Variants in ITFG1 observed in about 807,000 individuals in gnomAD.
ITFG1 encodes T-cell immunomodulatory protein.
In ITFG1, 34 loss-of-function variants were observed where a neutral mutation model predicts 81.8. The ratio of observed to expected loss-of-function variants is 0.42; its 90% CI spans 0.32 to 0.55. ITFG1 has a LOEUF of 0.55. Ranked by LOEUF, ITFG1 falls within the 20% of genes least tolerant of loss-of-function variation. The probability of loss-of-function intolerance (pLI) is 0.17; values close to 1 mark genes in which losing one functional copy is unlikely to be tolerated. For synonymous variants in ITFG1, 285 were observed against 270.6 expected, an observed-to-expected ratio of 1.05 and a Z score of -0.52; for missense variants, 672 against 755.4, an observed-to-expected ratio of 0.89 and a Z score of 1.29.
At position 47,341,318 on chromosome 16, in the gene ITFG1, AT is replaced by A. The variant is rs539992566; in HGVS notation, c.802+24469del. ...TAGCCAGGTGTGGTGCGCACTTGTA[AT>A]CCTAGCTACTCTGGAGGCTGAGGTG... On this transcript the variant is annotated intron_variant, in intron 8 of 17. Transcript: ENST00000320640. 3.3e-3 allele frequency among the ~76,000 whole-genome samples: 495 copies of A among 149,812 alleles called. 1 individual carries two copies. The highest frequency in any genetic ancestry group is 0.012 in the African/African-American group (483 of 41,004).
At chr16:47,267,034 A>G (rs1292865889) in intron 10 of ITFG1, among the ~76,000 whole-genome samples, 1 of 151,664 alleles carries the variant, frequency 6.6e-6, no homozygotes, top group African/African-American at 2.4e-5. Flanking sequence ...GGCTGAGGGA[A>G]TTGGAGGAAA....
At chr16:47,314,394 G>A (rs1042990609) in intron 8 of ITFG1, among the ~76,000 whole-genome samples, 1 of 152,126 alleles carries the variant, frequency 6.6e-6, no homozygotes, top group Non-Finnish European at 1.5e-5. Flanking sequence ...ACATATGTAA[G>A]AGACTTTATT....
At chr16:47,268,742 G>A (rs1187594992) in intron 10 of ITFG1, among the ~76,000 whole-genome samples, 1 of 152,156 alleles carries the variant, frequency 6.6e-6, no homozygotes, top group Non-Finnish European at 1.5e-5. Context: ...TTTCTGATAA[G>A]AGCATGTTTC....
intron 14 of ITFG1, among the ~76,000 whole-genome samples, chr16:47,174,975 G>A (rs1481292072): frequency 1.3e-5 from 2 of 152,148 alleles, no homozygotes; most frequent in African/African-American, 4.8e-5. Flanking sequence ...TGTGTAACTC[G>A]AAGAGAAAAT....
At chr16:47,207,305 C>A (rs1202944713) in intron 14 of ITFG1, among the ~76,000 whole-genome samples, 1 of 152,078 alleles carries the variant, frequency 6.6e-6, no homozygotes. Context: ...AGGATGGTCT[C>A]GATCTCCTGA....
chr16:47,232,234 A>G (rs1965823294), intron 13 of ITFG1, among the ~76,000 whole-genome samples: 1 of 152,252 alleles, frequency 6.6e-6, no homozygotes, highest in Non-Finnish European at 1.5e-5. Flanking sequence ...AATTTGTCAC[A>G]GCAGTGATAG....
rs1239776453 is a variant in ITFG1, at chr16:47,458,337, T to C, written c.281+766A>G. On this transcript the variant is annotated intron_variant, in intron 2 of 17. Transcript: ENST00000320640. Reference sequence around the variant, plus strand: ...ATGCTGTTCTTACTTTTATCTCTTATAAATGCTCTGTCCCCAAAATTGAAC... The same window carrying C: ...ATGCTGTTCTTACTTTTATCTCTTACAAATGCTCTGTCCCCAAAATTGAAC... Among the ~76,000 whole-genome samples the C allele has an allele frequency of 2.6e-5, 4 of 152,328 alleles. No individual in the cohort carries two copies. The East Asian group carries it at 5.8e-4, about 22-fold the overall frequency.
At chr16:47,228,261 AAT>A (rs1965777858) in intron 13 of ITFG1, among the ~76,000 whole-genome samples, 1 of 152,248 alleles carries the variant, frequency 6.6e-6, no homozygotes, top group African/African-American at 2.4e-5. Context: ...ATAATCAATA[AAT>A]AGTGGTTGAA....
intron 8 of ITFG1, among the ~76,000 whole-genome samples, chr16:47,348,591 A>T (rs1967896901): frequency 1.3e-5 from 2 of 152,228 alleles, no homozygotes. Context: ...TGAATGGTGT[A>T]CCTGAAAGTG....
chr16:47,323,591 T>C (rs189823484), intron 8 of ITFG1, among the ~76,000 whole-genome samples: 91 of 152,360 alleles, frequency 6.0e-4, no homozygotes, highest in Non-Finnish European at 1.1e-3. Context: ...TAAGTAACAA[T>C]GGAATAAGAC....
intron 5 of ITFG1, chr16:47,450,380 C>A: frequency 3.1e-6 from 1 of 317,606 alleles, no homozygotes; most frequent in Non-Finnish European, 6.0e-6. Context: ...GATCTCCCAT[C>A]CAAGCACTAA....
chr16:47,182,186 A>C (rs570294885), intron 14 of ITFG1, among the ~76,000 whole-genome samples: 5 of 152,210 alleles, frequency 3.3e-5, no homozygotes, highest in East Asian at 1.9e-4. Context: ...AATTAAAAAA[A>C]AAAAAAACAA....
chr16:47,345,299 TTTTG>T (rs888348031), intron 8 of ITFG1, among the ~76,000 whole-genome samples: 5 of 151,296 alleles, frequency 3.3e-5, no homozygotes, highest in South Asian at 2.1e-4. Context: ...CTCTTTTTTT[TTTTG>T]TTTGTTTGTT....
At chr16:47,272,169 A>G (rs1197781864) in intron 10 of ITFG1, among the ~76,000 whole-genome samples, 1 of 152,196 alleles carries the variant, frequency 6.6e-6, no homozygotes, top group African/African-American at 2.4e-5. Context: ...AGTAACACAT[A>G]TTGTATAACT....
intron 8 of ITFG1, among the ~76,000 whole-genome samples, chr16:47,319,572 T>TA (rs1967417281): frequency 1.3e-5 from 2 of 152,208 alleles, no homozygotes. Flanking sequence ...CAGACTATTA[T>TA]AAAGCTGTAT....
intron 6 of ITFG1, among the ~76,000 whole-genome samples, chr16:47,417,568 A>G (rs1968890111): frequency 6.6e-6 from 1 of 152,178 alleles, no homozygotes; most frequent in Non-Finnish European, 1.5e-5. Context: ...TGCTTCTGGT[A>G]ACTATTATTG....
chr16:47,310,852 A>G (rs531275784), intron 10 of ITFG1, among the ~76,000 whole-genome samples: 2 of 152,214 alleles, frequency 1.3e-5, no homozygotes, highest in African/African-American at 4.8e-5. Flanking sequence ...CCAAAGTCAC[A>G]CAGATGGTAA....
At chr16:47,247,381 T>C (rs1180669486) in intron 12 of ITFG1, among the ~76,000 whole-genome samples, 1 of 152,212 alleles carries the variant, frequency 6.6e-6, no homozygotes, top group African/African-American at 2.4e-5. Flanking sequence ...GTAAGTTTTA[T>C]ATGTATGTTA....
chr16:47,331,925 T>G (rs1043609868), intron 8 of ITFG1, among the ~76,000 whole-genome samples: 1 of 152,188 alleles, frequency 6.6e-6, no homozygotes, highest in African/African-American at 2.4e-5. Context: ...TGATCACCTA[T>G]GAAACAGCTA....
Sources: allele counts gnomAD v4.1 joint callset (sites outside exome capture counted in the v4.1 genomes callset), GRCh38; gene constraint gnomAD v4.1.1; transcripts MANE v1.5; gene names NCBI Gene and HGNC (gene_info 2026-07-23, HGNC 2026-07-21).